Variants in CDK17 observed in about 807,000 individuals in gnomAD.
CDK17 encodes cyclin dependent kinase 17.
CDK17 carries 24 observed loss-of-function variants against 77.6 expected under a neutral mutation model. The observed-to-expected ratio is 0.31, with a 90% confidence interval of 0.22 to 0.44. The LOEUF (loss-of-function observed/expected upper bound fraction) is 0.44, where lower values mean the gene tolerates loss of function less well. Ranked by LOEUF, CDK17 falls within the 20% of genes least tolerant of loss-of-function variation. The pLI is 1.00. For synonymous variants in CDK17, 203 were observed against 210.4 expected (o/e 0.96, Z 0.30); for missense variants, 429 against 622.5 (o/e 0.69, Z 3.31).
chr12:96,359,797 C>A (rs916807010), intron 1 of CDK17, among the ~76,000 whole-genome samples: 14 of 151,916 alleles, frequency 9.2e-5, no homozygotes, highest in African/African-American at 3.4e-4. Context: ...TAAACCAAAT[C>A]CCCATCAAAA....
intron 2 of CDK17, among the ~76,000 whole-genome samples, chr12:96,331,477 T>C (rs1342667493): frequency 1.3e-5 from 2 of 152,122 alleles, no homozygotes; most frequent in African/African-American, 4.8e-5. Context: ...TTTTTTTTTT[T>C]AGCATACTGA....
chr12:96,363,605 T>C (rs1188264295), intron 1 of CDK17, among the ~76,000 whole-genome samples: 1 of 152,132 alleles, frequency 6.6e-6, no homozygotes, highest in Non-Finnish European at 1.5e-5. Flanking sequence ...CCCAGCACTT[T>C]GGGAGGTCAA....
At chr12:96,280,451 T>C (rs1952161022) in intron 16 of CDK17, 172 bp from the exon 17 acceptor site, 3 of 1,425,956 alleles carry the variant, frequency 2.1e-6, no homozygotes, top group Non-Finnish European at 2.7e-6. Context: ...GTCTACAGCT[T>C]CTATGCTTCG....
At chr12:96,338,106 C>A (rs1953071174) in intron 1 of CDK17, among the ~76,000 whole-genome samples, 1 of 152,156 alleles carries the variant, frequency 6.6e-6, no homozygotes, top group Non-Finnish European at 1.5e-5. Context: ...GCAGGAGAGG[C>A]TGGAGACTGA....
intron 1 of CDK17, among the ~76,000 whole-genome samples, chr12:96,394,178 G>A (rs531704417): frequency 4.6e-5 from 7 of 151,846 alleles, no homozygotes; most frequent in South Asian, 4.1e-4. Flanking sequence ...CCCGGGAGGC[G>A]GAGGTTGCAG....
chr12:96,344,927 T>C (rs1215730276), intron 1 of CDK17, among the ~76,000 whole-genome samples: 1 of 152,170 alleles, frequency 6.6e-6, no homozygotes, highest in African/African-American at 2.4e-5. Context: ...ACCCATCACC[T>C]AGGTATTAAG....
intron 1 of CDK17, among the ~76,000 whole-genome samples, chr12:96,387,953 T>A (rs916827962): frequency 2.0e-5 from 3 of 150,656 alleles, no homozygotes; most frequent in African/African-American, 4.9e-5. Flanking sequence ...TAAAAAAAAA[T>A]AATAATAAAA....
At chr12:96,371,469 T>G (rs1953691803) in intron 1 of CDK17, among the ~76,000 whole-genome samples, 1 of 152,146 alleles carries the variant, frequency 6.6e-6, no homozygotes, top group Non-Finnish European at 1.5e-5. Flanking sequence ...ATTTAAATAT[T>G]TAAAAGGCCA....
chr12:96,326,518 A>G (rs1194715974), intron 2 of CDK17, among the ~76,000 whole-genome samples: 2 of 152,236 alleles, frequency 1.3e-5, no homozygotes, highest in African/African-American at 2.4e-5. Flanking sequence ...GATATTCCAG[A>G]TAGAGAAAAA....
chr12:96,309,752 T>C (rs928348487), intron 5 of CDK17, among the ~76,000 whole-genome samples: 3 of 152,170 alleles, frequency 2.0e-5, no homozygotes, highest in Middle Eastern at 3.2e-3. Flanking sequence ...AGAAAGGTGT[T>C]CAACTTAGTC....
At chr12:96,356,092 A>T (rs1953389096) in intron 1 of CDK17, among the ~76,000 whole-genome samples, 1 of 152,204 alleles carries the variant, frequency 6.6e-6, no homozygotes, top group Non-Finnish European at 1.5e-5. Context: ...GCAAAAAGAT[A>T]AAATATTAAC....
intron 5 of CDK17, among the ~76,000 whole-genome samples, chr12:96,305,096 G>A (rs781652416): frequency 3.9e-5 from 6 of 152,182 alleles, no homozygotes; most frequent in Non-Finnish European, 8.8e-5. Flanking sequence ...GGGCAAGGAA[G>A]CTCTGATGAA....
At chr12:96,373,907 G>A (rs966832597) in intron 1 of CDK17, among the ~76,000 whole-genome samples, 6 of 151,760 alleles carry the variant, frequency 4.0e-5, no homozygotes, top group African/African-American at 7.3e-5. Flanking sequence ...GCGACAGAGC[G>A]AAGACCACTC....
chr12:96,378,084 C>T (rs987773718), intron 1 of CDK17, among the ~76,000 whole-genome samples: 4 of 152,152 alleles, frequency 2.6e-5, no homozygotes, highest in Admixed American at 2.0e-4. Flanking sequence ...ACTCAGTTTC[C>T]GCTAGTAAGA....
At chr12:96,376,602 T>G (rs1953785812) in intron 1 of CDK17, among the ~76,000 whole-genome samples, 1 of 152,190 alleles carries the variant, frequency 6.6e-6, no homozygotes, top group African/African-American at 2.4e-5. Flanking sequence ...ACAAGCAATG[T>G]GGGGAAAATA....
At chr12:96,315,141 T>C (rs1464061053) in intron 3 of CDK17, among the ~76,000 whole-genome samples, 6 of 152,254 alleles carry the variant, frequency 3.9e-5, no homozygotes, top group African/African-American at 1.4e-4. Context: ...AATAAAGTTA[T>C]ATAAAATATC....
At chr12:96,305,980 T>C (rs1269484522) in intron 5 of CDK17, among the ~76,000 whole-genome samples, 2 of 152,090 alleles carry the variant, frequency 1.3e-5, no homozygotes, top group Non-Finnish European at 2.9e-5. Flanking sequence ...CCTCAGCCTC[T>C]CAAAGTGGTG....
rs573640041 is a variant in CDK17 at position 96,344,842 on chromosome 12, G to T, written c.-29-9977C>A. On this transcript the variant is annotated intron_variant, in intron 1 of 16. Transcript: ENST00000261211. ...TTATTTTATTGTTGTTGTTTTTGAA[G>T]TTCTGGGGTATATGTGCAAGATGAG... Among the ~76,000 whole-genome samples the T allele has an allele frequency of 7.0e-4, 106 of 152,176 alleles. 1 individual carries two copies. The highest frequency in any genetic ancestry group is 6.5e-4 in the Non-Finnish European group (44 of 67,998).
intron 1 of CDK17, among the ~76,000 whole-genome samples, chr12:96,363,085 A>G (rs1057388666): frequency 2.6e-5 from 4 of 152,188 alleles, no homozygotes; most frequent in East Asian, 1.9e-4. Context: ...TACACTCTAT[A>G]TATCTAATCA....
Sources: allele counts gnomAD v4.1 joint callset (sites outside exome capture counted in the v4.1 genomes callset), GRCh38; gene constraint gnomAD v4.1.1; transcripts MANE v1.5; gene names NCBI Gene and HGNC (gene_info 2026-07-23, HGNC 2026-07-21).